RABGEF1: variants seen among roughly 807,000 people sequenced by gnomAD.
RABGEF1 encodes RAB guanine nucleotide exchange factor 1.
In RABGEF1, 26 loss-of-function variants were observed where a neutral mutation model predicts 57.3. The observed-to-expected ratio is 0.45, with a 90% CI of 0.33 to 0.63. The LOEUF is 0.63. Among genes scored for constraint, RABGEF1 ranks in the 20% least tolerant of loss-of-function variants. RABGEF1 has a pLI of 0.02. For missense variants in RABGEF1, 464 were observed against 607.6 expected, an observed-to-expected ratio of 0.76 and a Z score of 2.48; for synonymous variants, 185 against 210.7, an observed-to-expected ratio of 0.88 and a Z score of 1.06.
At chr7:66,785,610 C>T (rs141086463) in intron 4 of RABGEF1, among the ~76,000 whole-genome samples, 2 of 152,224 alleles carry the variant, frequency 1.3e-5, no homozygotes, top group African/African-American at 2.4e-5. Context: ...TGCGGTGGCT[C>T]ACGCCTGTAA....
At chr7:66,683,398 A>G (rs1199254662) in intron 1 of RABGEF1, among the ~76,000 whole-genome samples, 2 of 152,238 alleles carry the variant, frequency 1.3e-5, no homozygotes, top group African/African-American at 4.8e-5. Flanking sequence ...AGAGTTACTG[A>G]TTCATATCCT....
At chr7:66,683,578 T>C (rs1466734386) in intron 1 of RABGEF1, among the ~76,000 whole-genome samples, 2 of 152,084 alleles carry the variant, frequency 1.3e-5, no homozygotes, top group Non-Finnish European at 2.9e-5. Flanking sequence ...GCCGGGCATT[T>C]AGGCCATGCT....
At chr7:66,807,738 CAG>C (rs1227571111) in intron 8 of RABGEF1, 2 of 152,252 alleles carry the variant, frequency 1.3e-5, no homozygotes, top group Non-Finnish European at 2.9e-5. Context: ...TTCCAGGTCA[CAG>C]AGGGGCCACA....
At chr7:66,680,487 G>A (rs1453151433), upstream of RABGEF1, among the ~76,000 whole-genome samples, 6 of 150,934 alleles carry the variant, frequency 4.0e-5, no homozygotes, top group African/African-American at 1.2e-4. Flanking sequence ...CAGGTGATCC[G>A]CCCGCCTCTG....
At chr7:66,728,677 A>C in intron 2 of RABGEF1, among the ~76,000 whole-genome samples, 1 of 44,138 alleles carries the variant, frequency 2.3e-5, no homozygotes. Context: ...CTCCACCTTC[A>C]CCTCCATCCT....
chr7:66,760,932 G>C (rs1330450281), intron 1 of RABGEF1, among the ~76,000 whole-genome samples: 1 of 152,138 alleles, frequency 6.6e-6, no homozygotes, highest in Non-Finnish European at 1.5e-5. Context: ...CCTGGCCCTG[G>C]GGAAGGGATT....
chr7:66,746,736 G>A (rs974301001), intron 1 of RABGEF1, among the ~76,000 whole-genome samples: 1 of 146,322 alleles, frequency 6.8e-6, no homozygotes, highest in Admixed American at 7.1e-5. Context: ...CGATTCTTGT[G>A]CCTCAGCCAC....
intron 1 of RABGEF1, among the ~76,000 whole-genome samples, chr7:66,698,109 C>T (rs536357413): frequency 2.6e-5 from 4 of 152,156 alleles, no homozygotes; most frequent in African/African-American, 9.6e-5. Flanking sequence ...GCACCCCCCC[C>T]ACCCTCAGAC....
At chr7:66,807,171 G>T (rs548325745) in intron 8 of RABGEF1, among the ~76,000 whole-genome samples, 1 of 152,294 alleles carries the variant, frequency 6.6e-6, no homozygotes, top group South Asian at 2.1e-4. Context: ...GCAGCTTCTA[G>T]TGCCCTTGGC....
At chr7:66,757,876 G>T (rs1339379396) in intron 1 of RABGEF1, among the ~76,000 whole-genome samples, 3 of 152,200 alleles carry the variant, frequency 2.0e-5, no homozygotes, top group Non-Finnish European at 4.4e-5. Flanking sequence ...CTCCCAAAGT[G>T]CTGGGATTAC....
intron 1 of RABGEF1, among the ~76,000 whole-genome samples, chr7:66,764,309 A>G (rs2129092214): frequency 6.6e-6 from 1 of 152,024 alleles, no homozygotes; most frequent in African/African-American, 2.4e-5. Context: ...CCTGCTAAAA[A>G]AAATTGTTAA....
intron 3 of RABGEF1, among the ~76,000 whole-genome samples, chr7:66,780,235 C>T (rs548434730): frequency 1.3e-5 from 2 of 152,044 alleles, no homozygotes; most frequent in South Asian, 2.1e-4. Flanking sequence ...GGTAGTTGTA[C>T]TACCTCATAG....
chr7:66,699,073 T>G (rs1416346922), intron 1 of RABGEF1, among the ~76,000 whole-genome samples: 2 of 152,142 alleles, frequency 1.3e-5, no homozygotes, highest in Non-Finnish European at 2.9e-5. Flanking sequence ...GGGAGATATC[T>G]GGCTGGCCTT....
In RABGEF1 at chr7:66,705,443, A is replaced by AAGACAGAGAGAGAGAGAGAGAGAGAGAG. The variant is rs540794271; in HGVS notation, c.-872-6721_-872-6720insCAGAGAGAGAGAGAGAGAGAGAGAGAGA. ...CAGAGCGAAACTCCATCTCGAAAGAAAGAGAGAGAGAGAGAGAGAGAGAGA... is the reference window on the plus strand; with the variant it reads ...CAGAGCGAAACTCCATCTCGAAAGAAAGACAGAGAGAGAGAGAGAGAGAGAGAGAGAGAGAGAGAGAGAGAGAGAGAGA... On this transcript the variant is annotated intron_variant and NMD_transcript_variant, in intron 1 of 9. Transcript: ENST00000607882. Among the ~76,000 whole-genome samples, 100 of 66,372 alleles carry AAGACAGAGAGAGAGAGAGAGAGAGAGAG rather than the reference A, an allele frequency of 1.5e-3. 16 individuals are homozygous for AAGACAGAGAGAGAGAGAGAGAGAGAGAG. The highest frequency in any genetic ancestry group is 1.7e-3 in the Admixed American group (9 of 5,390). The allele number at this position is 66,372 out of a possible 152,430, so 43.5% of individuals were successfully genotyped here. A position where few individuals can be genotyped will look rare whatever the true frequency, so the allele number is the denominator to read the frequency against.
intron 1 of RABGEF1, among the ~76,000 whole-genome samples, chr7:66,703,102 T>C (rs971055393): frequency 2.6e-5 from 4 of 152,142 alleles, no homozygotes; most frequent in Non-Finnish European, 5.9e-5. Context: ...GCCTCCCAAG[T>C]AGTTGGGACT....
At position 66,700,626 on chromosome 7, in the gene RABGEF1, C is replaced by T. The variant is rs561650339; in HGVS notation, c.-872-11541C>T. 3.3e-5 allele frequency among the ~76,000 whole-genome samples: 5 copies of T among 152,130 alleles called. No homozygotes were observed. In the South Asian group the frequency reaches 6.2e-4, roughly 19 times the overall value. Reference sequence around the variant, plus strand: ...GGGAGCTCAATGGAGAAAAGGGGTTCGTGCGTAGCAGGGGGCCCAGGCTTT... The same window carrying T: ...GGGAGCTCAATGGAGAAAAGGGGTTTGTGCGTAGCAGGGGGCCCAGGCTTT... On this transcript the variant is annotated intron_variant and NMD_transcript_variant, in intron 1 of 9. Coordinates refer to the RABGEF1 transcript ENST00000607882.
chr7:66,808,103 A>AC (rs1788820681), intron 8 of RABGEF1: 1 of 152,022 alleles, frequency 6.6e-6, no homozygotes, highest in Non-Finnish European at 1.5e-5. Flanking sequence ...ATTTCCCCCC[A>AC]TTTACAGGTA....
At chr7:66,736,638 T>A (rs1797973734), upstream of RABGEF1, among the ~76,000 whole-genome samples, 1 of 151,930 alleles carries the variant, frequency 6.6e-6, no homozygotes, top group South Asian at 2.1e-4. Flanking sequence ...GGCAGGTGGA[T>A]CACTTGAGGC....
chr7:66,670,674 C>T, the RABGEF1 span, among the ~76,000 whole-genome samples: 10 of 151,758 alleles, frequency 6.6e-5, no homozygotes, highest in Non-Finnish European at 1.5e-5. Flanking sequence ...GATGAAACCC[C>T]ATCTCTACTA....
Sources: gnomAD v4.1 joint callset for allele counts (sites outside exome capture counted in the v4.1 genomes callset) on GRCh38, gnomAD v4.1.1 for gene constraint, MANE v1.5 for transcripts, NCBI Gene and HGNC (gene_info 2026-07-23, HGNC 2026-07-21) for gene names.